The following MYOCOS variants were observed in gnomAD, a reference collection of about 807,000 sequenced individuals.
MYOCOS encodes the protein myocilin opposite strand protein.
intron 1 of MYOCOS, chr1:171,604,020 C>T (rs1269660168): frequency 2.0e-5 from 3 of 152,228 alleles, no homozygotes; most frequent in African/African-American, 7.2e-5. Flanking sequence ...TTGCAACACC[C>T]TAACCCCGCC....
chr1:171,618,222 G>C (rs1034701305), upstream of MYOCOS, among the ~76,000 whole-genome samples: 1 of 152,212 alleles, frequency 6.6e-6, no homozygotes, highest in Non-Finnish European at 1.5e-5. Flanking sequence ...ATGTCACCTG[G>C]GTTGGCACTC....
upstream of MYOCOS, among the ~76,000 whole-genome samples, chr1:171,621,936 C>G (rs748067188): frequency 1.4e-4 from 22 of 152,042 alleles, no homozygotes; most frequent in Non-Finnish European, 3.1e-4. Context: ...TCACAACTGC[C>G]CTAGAAGATA....
At chr1:171,615,156 T>C (rs1229757334) in intron 2 of MYOCOS, among the ~76,000 whole-genome samples, 1 of 152,194 alleles carries the variant, frequency 6.6e-6, no homozygotes, top group Non-Finnish European at 1.5e-5. Context: ...TAACATGACA[T>C]GTTTTTAAAA....
At chr1:171,602,123 T>C (rs1652155190) in intron 1 of MYOCOS, among the ~76,000 whole-genome samples, 1 of 152,012 alleles carries the variant, frequency 6.6e-6, no homozygotes, top group South Asian at 2.1e-4. Context: ...AAGAGTGTTA[T>C]ATGGTAAATT....
At chr1:171,615,893 G>A (rs1291857661) in intron 2 of MYOCOS, among the ~76,000 whole-genome samples, 5 of 152,094 alleles carry the variant, frequency 3.3e-5, no homozygotes, top group African/African-American at 7.2e-5. Flanking sequence ...TCTGTGGCTC[G>A]TCCTGCTACA....
In MYOCOS at chr1:171,626,637, G is replaced by A. The variant is rs988397023; in HGVS notation, c.*36G>A. 3 of 398,324 alleles carry A rather than the reference G, an allele frequency of 7.5e-6. No individual in the cohort carries two copies. In the South Asian group the frequency reaches 3.8e-4, roughly 51 times the overall value. The allele number at this position is 398,324 out of a possible 1,614,324, so 24.7% of individuals were successfully genotyped here. ...TTATTTTGAAGTGAATTCTTACACA[G>A]AACTCCAGAAAACAGTTTCAGTGGC... On this transcript the variant is annotated 3_prime_UTR_variant, in exon 3 of 3. Coordinates refer to ENST00000637642, the MANE Select transcript of MYOCOS (RefSeq NM_001391940.1).
chr1:171,611,882 T>G (rs1483556851), intron 1 of MYOCOS, among the ~76,000 whole-genome samples: 2 of 152,122 alleles, frequency 1.3e-5, no homozygotes, highest in African/African-American at 4.8e-5. Flanking sequence ...AAAAAAAATC[T>G]GACTGATGGG....
intron 1 of MYOCOS, among the ~76,000 whole-genome samples, chr1:171,613,085 C>G (rs892984252): frequency 1.2e-4 from 18 of 152,260 alleles, no homozygotes; most frequent in African/African-American, 4.3e-4. Context: ...ATGTTGTATT[C>G]CACAATCTTC....
Position 171,622,512 on chromosome 1 carries a change from AT to A in MYOCOS, c.-44+181del, listed in dbSNP as rs1652596674. On this transcript the variant is annotated intron_variant, in intron 1 of 2. Transcript: ENST00000637642. ...AGTAGCTGGTATGTGGGTACAGAGT[AT>A]GTCATAAGGATATTTCTTAGCAAAT... Among the ~76,000 whole-genome samples the A allele has an allele frequency of 2.6e-5, 4 of 152,330 alleles. No homozygotes were observed. The South Asian group carries it at 6.2e-4, about 24-fold the overall frequency.
intron 2 of MYOCOS, 31 bp from the exon 3 acceptor site, chr1:171,626,423 C>T (rs988133843): frequency 1.0e-5 from 4 of 398,260 alleles, no homozygotes; most frequent in Non-Finnish European, 1.8e-5. Flanking sequence ...TATCTTTATT[C>T]AAATGGCATT....
chr1:171,603,485 A>G (rs921151904), intron 1 of MYOCOS, among the ~76,000 whole-genome samples: 6 of 152,272 alleles, frequency 3.9e-5, no homozygotes, highest in African/African-American at 1.4e-4. Context: ...TTGGAGCCCC[A>G]CAAGAAATAC....
intron 2 of MYOCOS, 25 bp downstream of exon 2, chr1:171,624,003 C>T (rs999017138): frequency 5.0e-6 from 2 of 398,462 alleles, no homozygotes; most frequent in African/African-American, 2.1e-5. Context: ...TCCTCTGGAT[C>T]GCTTGTGGGG....
At chr1:171,610,385 A>T (rs1440087322) in intron 1 of MYOCOS, among the ~76,000 whole-genome samples, 1 of 152,222 alleles carries the variant, frequency 6.6e-6, no homozygotes, top group Non-Finnish European at 1.5e-5. Context: ...CTAGATACCC[A>T]TGCTTAGTAT....
At chr1:171,624,623 T>TG (rs1491494498) in intron 2 of MYOCOS, among the ~76,000 whole-genome samples, 4 of 137,294 alleles carry the variant, frequency 2.9e-5, no homozygotes, top group Non-Finnish European at 6.4e-5. Flanking sequence ...TGTGTGTGTG[T>TG]TTTTTTTTAG....
At chr1:171,605,047 C>G (rs556628801) in intron 1 of MYOCOS, among the ~76,000 whole-genome samples, 26 of 152,074 alleles carry the variant, frequency 1.7e-4, no homozygotes, top group Non-Finnish European at 3.4e-4. Flanking sequence ...CTGTGATGAA[C>G]TAAATGTGCC....
chr1:171,611,173 C>G (rs114641223), intron 1 of MYOCOS, among the ~76,000 whole-genome samples: 1 of 152,226 alleles, frequency 6.6e-6, no homozygotes, highest in African/African-American at 2.4e-5. Context: ...CTTGCACTTA[C>G]CTACTGAATT....
chr1:171,610,892 C>G (rs1037283872), intron 1 of MYOCOS, among the ~76,000 whole-genome samples: 2 of 152,202 alleles, frequency 1.3e-5, no homozygotes, highest in South Asian at 4.1e-4. Context: ...AGGTCTTGCC[C>G]TATTTTATAT....
chr1:171,607,093 C>CAAAAAAAA (rs35353881), intron 1 of MYOCOS, among the ~76,000 whole-genome samples: 1 of 66,812 alleles, frequency 1.5e-5, no homozygotes, highest in African/African-American at 5.8e-5. Context: ...GACTCTGTCT[C>CAAAAAAAA]AAAAAAAAAA....
At chr1:171,610,464 A>T (rs1652335047) in intron 1 of MYOCOS, among the ~76,000 whole-genome samples, 3 of 152,206 alleles carry the variant, frequency 2.0e-5, no homozygotes, top group Admixed American at 2.0e-4. Context: ...AGAAAACTTT[A>T]TTTAGAGTTC....
Sources: gnomAD v4.1 joint callset for allele counts (sites outside exome capture counted in the v4.1 genomes callset) on GRCh38, gnomAD v4.1.1 for gene constraint, MANE v1.5 for transcripts, NCBI Gene and HGNC (gene_info 2026-07-23, HGNC 2026-07-21) for gene names.